GRIA1: variants seen among roughly 807,000 people sequenced by gnomAD.
GRIA1 encodes glutamate receptor 1.
GRIA1 carries 31 observed loss-of-function variants against 99.2 expected under a neutral mutation model. That is an observed-to-expected ratio of 0.31 (90% CI 0.23 to 0.42). The LOEUF is 0.42. Among genes scored for constraint, GRIA1 ranks in the 10% least tolerant of loss-of-function variants. GRIA1 has a pLI of 1.00. For missense variants in GRIA1, 782 were observed against 1,157.5 expected (o/e 0.68, Z 4.71); for synonymous variants, 438 against 432.4 (o/e 1.01, Z -0.16).
chr5:153,588,920 C>T (rs1312147818), intron 2 of GRIA1, among the ~76,000 whole-genome samples: 1 of 152,052 alleles, frequency 6.6e-6, no homozygotes, highest in Non-Finnish European at 1.5e-5. Flanking sequence ...TGCTTCATAA[C>T]ACCTAATACA....
chr5:153,535,167 C>T (rs966187094), intron 2 of GRIA1, among the ~76,000 whole-genome samples: 1 of 152,116 alleles, frequency 6.6e-6, no homozygotes. Context: ...AGCGATCTGC[C>T]CGTCTCGGCC....
At chr5:153,762,570 C>T (rs1346528833) in intron 11 of GRIA1, among the ~76,000 whole-genome samples, 1 of 152,166 alleles carries the variant, frequency 6.6e-6, no homozygotes, top group African/African-American at 2.4e-5. Context: ...TTCGTATATC[C>T]TGGTCTACCT....
chr5:153,558,987 G>C (rs982103187), intron 2 of GRIA1, among the ~76,000 whole-genome samples: 1 of 152,094 alleles, frequency 6.6e-6, no homozygotes, highest in African/African-American at 2.4e-5. Flanking sequence ...AGGAAAACAG[G>C]CATTGGGTTA....
chr5:153,540,791 GA>G (rs1416185217), intron 2 of GRIA1, among the ~76,000 whole-genome samples: 1 of 152,084 alleles, frequency 6.6e-6, no homozygotes, highest in African/African-American at 2.4e-5. Flanking sequence ...GGACATATGA[GA>G]CCCAAAAAAG....
intron 11 of GRIA1, among the ~76,000 whole-genome samples, chr5:153,728,836 G>A (rs547644752): frequency 2.8e-5 from 3 of 105,872 alleles, no homozygotes; most frequent in Non-Finnish European, 5.6e-5. Flanking sequence ...CGATTCCTCA[G>A]GGATCTAGAA....
chr5:153,538,165 G>A (rs1463918004), intron 2 of GRIA1, among the ~76,000 whole-genome samples: 1 of 152,182 alleles, frequency 6.6e-6, no homozygotes, highest in Non-Finnish European at 1.5e-5. Context: ...CACAATAAAA[G>A]GGGGGCAAGC....
chr5:153,683,542 G>T (rs1459516932), intron 7 of GRIA1, among the ~76,000 whole-genome samples: 1 of 152,214 alleles, frequency 6.6e-6, no homozygotes, highest in Non-Finnish European at 1.5e-5. Flanking sequence ...AGATCACCGT[G>T]ACAGTGCAAG....
chr5:153,768,722 G>A (rs75039873), intron 12 of GRIA1, among the ~76,000 whole-genome samples: 1 of 152,070 alleles, frequency 6.6e-6, no homozygotes, highest in East Asian at 1.9e-4. Context: ...AGAAAAAAGT[G>A]ATATGCTGCA....
chr5:153,723,713 G>A (rs1039584333), intron 11 of GRIA1, among the ~76,000 whole-genome samples: 1 of 151,788 alleles, frequency 6.6e-6, no homozygotes, highest in Non-Finnish European at 1.5e-5. Context: ...CATTGCCCAG[G>A]CTTGCTTAGG....
chr5:153,679,289 T>C (rs72802670), intron 7 of GRIA1, among the ~76,000 whole-genome samples: 41 of 151,956 alleles, frequency 2.7e-4, no homozygotes, highest in African/African-American at 6.5e-4. Flanking sequence ...AATAAATAAA[T>C]AAACAAACAA....
chr5:153,767,960 CAT>C (rs1314081825), intron 12 of GRIA1, among the ~76,000 whole-genome samples: 1 of 152,182 alleles, frequency 6.6e-6, no homozygotes, highest in Admixed American at 6.5e-5. Flanking sequence ...GCTGAGAGGA[CAT>C]ATTAATTTTC....
At chr5:153,581,162 T>C (rs949481993) in intron 2 of GRIA1, among the ~76,000 whole-genome samples, 6 of 152,210 alleles carry the variant, frequency 3.9e-5, no homozygotes, top group Non-Finnish European at 7.3e-5. Flanking sequence ...TAACACAGTA[T>C]TGTATTTAGT....
At chr5:153,669,034 A>T (rs2149479502) in intron 5 of GRIA1, among the ~76,000 whole-genome samples, 1 of 152,294 alleles carries the variant, frequency 6.6e-6, no homozygotes, top group African/African-American at 2.4e-5. Flanking sequence ...GTGTGATCTC[A>T]GGGAAATTTC....
chr5:153,628,701 G>C (rs772397025), intron 2 of GRIA1, among the ~76,000 whole-genome samples: 22 of 152,158 alleles, frequency 1.4e-4, no homozygotes, highest in Middle Eastern at 3.4e-3. Flanking sequence ...GCCTATTCTT[G>C]GATCATAGTC....
chr5:153,560,110 T>C (rs926863253), intron 2 of GRIA1, among the ~76,000 whole-genome samples: 1 of 152,164 alleles, frequency 6.6e-6, no homozygotes, highest in Non-Finnish European at 1.5e-5. Context: ...CCACGGAAAC[T>C]TGGCTCTGGA....
At chr5:153,495,568 G>A (rs1301287894) in intron 2 of GRIA1, among the ~76,000 whole-genome samples, 1 of 152,138 alleles carries the variant, frequency 6.6e-6, no homozygotes, top group Non-Finnish European at 1.5e-5. Context: ...AGTACCTAAG[G>A]AGAAAAACTT....
chr5:153,656,287 T>C (rs1197022923), intron 5 of GRIA1, among the ~76,000 whole-genome samples: 1 of 151,520 alleles, frequency 6.6e-6, no homozygotes, highest in Non-Finnish European at 1.5e-5. Context: ...TACACTAGTA[T>C]TGACAAAATT....
intron 11 of GRIA1, among the ~76,000 whole-genome samples, chr5:153,725,758 T>C (rs10053447): frequency 0.36 from 33,485 of 93,066 alleles, 7,337 homozygotes; most frequent in East Asian, 0.91. Flanking sequence ...GAGTGACCTA[T>C]GAAGAGACTT....
intron 8 of GRIA1, among the ~76,000 whole-genome samples, chr5:153,687,543 G>A (rs1757425772): frequency 6.6e-6 from 1 of 152,126 alleles, no homozygotes; most frequent in Non-Finnish European, 1.5e-5. Context: ...CTTGCCACTA[G>A]CCGTATGTGG....
Sources: allele counts gnomAD v4.1 joint callset (sites outside exome capture counted in the v4.1 genomes callset), GRCh38; gene constraint gnomAD v4.1.1; transcripts MANE v1.5; gene names NCBI Gene and HGNC (gene_info 2026-07-23, HGNC 2026-07-21).